Variants in SGCG observed in about 807,000 individuals in gnomAD.
The protein encoded by SGCG is gamma-sarcoglycan.
A neutral mutation model predicts 29.3 loss-of-function variants in SGCG; 26 were observed. That is an observed-to-expected ratio of 0.89 (90% CI 0.65 to 1.23). The LOEUF (loss-of-function observed/expected upper bound fraction) is 1.23, where lower values mean the gene tolerates loss of function less well. Ranked by LOEUF, SGCG falls within the 50% of genes most tolerant of loss-of-function variation. The probability of loss-of-function intolerance (pLI) is 0.00; values close to 1 mark genes in which losing one functional copy is unlikely to be tolerated. For missense variants in SGCG, 353 were observed against 356.0 expected, an observed-to-expected ratio of 0.99 and a Z score of 0.07; for synonymous variants, 145 against 129.7, an observed-to-expected ratio of 1.12 and a Z score of -0.80.
chr13:23,283,278 T>C, intron 5 of SGCG, among the ~76,000 whole-genome samples: 1 of 152,218 alleles, frequency 6.6e-6, no homozygotes, highest in East Asian at 1.9e-4. Flanking sequence ...CTCTAAGAAC[T>C]TGCTTTATGA....
the SGCG span, among the ~76,000 whole-genome samples, chr13:23,162,268 T>C: frequency 6.6e-6 from 1 of 152,200 alleles, no homozygotes; most frequent in African/African-American, 2.4e-5. Flanking sequence ...TTATGTTATC[T>C]TAGGAATGGT....
At chr13:23,315,225 G>A (rs1394326781) in intron 6 of SGCG, among the ~76,000 whole-genome samples, 1 of 152,182 alleles carries the variant, frequency 6.6e-6, no homozygotes, top group Admixed American at 6.5e-5. Flanking sequence ...GGTGGAAACT[G>A]GAAGTTTGAC....
intron 3 of SGCG, among the ~76,000 whole-genome samples, chr13:23,241,161 A>AAAAG (rs1353095319): frequency 6.7e-6 from 1 of 149,970 alleles, no homozygotes; most frequent in African/African-American, 2.4e-5. Flanking sequence ...AAAAAAAAAA[A>AAAAG]AAGAAGAAGA....
At chr13:23,280,849 T>C (rs1881280393) in intron 5 of SGCG, among the ~76,000 whole-genome samples, 1 of 152,204 alleles carries the variant, frequency 6.6e-6, no homozygotes, top group African/African-American at 2.4e-5. Flanking sequence ...GGGAAAATAG[T>C]CTAACAGCTT....
At chr13:23,283,099 T>C (rs1881367264) in intron 5 of SGCG, among the ~76,000 whole-genome samples, 1 of 152,212 alleles carries the variant, frequency 6.6e-6, no homozygotes, top group South Asian at 2.1e-4. Context: ...TTCTGTTGAC[T>C]TGGGGTGGAG....
intron 4 of SGCG, among the ~76,000 whole-genome samples, chr13:23,277,380 C>A (rs1881117957): frequency 6.7e-6 from 1 of 150,164 alleles, no homozygotes; most frequent in South Asian, 2.1e-4. Flanking sequence ...GGGAAAATAA[C>A]ATTACAAATA....
intron 4 of SGCG, among the ~76,000 whole-genome samples, chr13:23,255,795 C>A (rs1880153914): frequency 6.6e-6 from 1 of 152,160 alleles, no homozygotes. Context: ...AAAGACATAA[C>A]AGTTTGTAGA....
intron 5 of SGCG, among the ~76,000 whole-genome samples, chr13:23,294,989 TTTTCTGTAAATA>T (rs1440682239): frequency 6.6e-6 from 1 of 152,202 alleles, no homozygotes; most frequent in Admixed American, 6.5e-5. Context: ...AGCTTTTAAT[TTTTCTGTAAATA>T]TCCTGACTAC....
chr13:23,205,399 T>C (rs1877947247), intron 2 of SGCG, among the ~76,000 whole-genome samples: 1 of 152,186 alleles, frequency 6.6e-6, no homozygotes, highest in African/African-American at 2.4e-5. Flanking sequence ...CAGCCTGCTG[T>C]AGGACCGTCA....
rs71100167 is a variant in SGCG, at chr13:23,292,119, C to CTTTTTTTTTTTTTTTTTTTTT, written c.506-3288_506-3287insTTTTTTTTTTTTTTTTTTTTT. Among the ~76,000 whole-genome samples the CTTTTTTTTTTTTTTTTTTTTT allele has an allele frequency of 1.2e-4, 17 of 147,452 alleles. 2 individuals carry two copies. The highest frequency in any genetic ancestry group is 3.8e-4 in the African/African-American group (15 of 39,098). On this transcript the variant is annotated intron_variant, in intron 5 of 7. Transcript: ENST00000218867. ...TCAAAACAATACATAACATTTCTTTCTTTTTTTTGAGATAGAGTCTTACTT... is the reference window on the plus strand; with the variant it reads ...TCAAAACAATACATAACATTTCTTTCTTTTTTTTTTTTTTTTTTTTTTTTTTTTTGAGATAGAGTCTTACTT...
intron 1 of SGCG, among the ~76,000 whole-genome samples, chr13:23,193,885 G>A (rs998053233): frequency 2.6e-5 from 4 of 152,070 alleles, no homozygotes; most frequent in Non-Finnish European, 5.9e-5. Context: ...ACCATTTAGA[G>A]GCCAGAGAAA....
At chr13:23,204,667 CT>C (rs1313681127) in intron 2 of SGCG, among the ~76,000 whole-genome samples, 4 of 146,836 alleles carry the variant, frequency 2.7e-5, no homozygotes, top group Admixed American at 1.4e-4. Flanking sequence ...TCATTCCCTT[CT>C]TTCCCTTCTT....
rs1248274585 is a variant in SGCG at position 23,304,027 on chromosome 13, T to A, written c.578+8540T>A. On this transcript the variant is annotated intron_variant, in intron 6 of 7. Coordinates refer to ENST00000218867, the MANE Select transcript of SGCG (RefSeq NM_000231.3). ...GAGTGAGGTGGAGCAACTTTTCATA[T>A]GTTTAAAGGCCATTTTTGTATTCCT... Among the ~76,000 whole-genome samples, 3 of 152,244 alleles carry A rather than the reference T, an allele frequency of 2.0e-5. No homozygotes were observed. The East Asian group carries it at 5.8e-4, about 29-fold the overall frequency.
In SGCG at chr13:23,196,121, G is replaced by GT. The variant is rs375582042; in HGVS notation, c.1-7569dup. ...CTAGAATTTCCCTAGGTTGTTATAT[G>GT]TTTTTCAAACATATTTCACATACCC... On this transcript the variant is annotated intron_variant, in intron 1 of 7. Transcript: ENST00000218867. Among the ~76,000 whole-genome samples the GT allele has an allele frequency of 4.3e-3, 654 of 151,952 alleles. 9 individuals carry two copies. Among genetic ancestry groups the GT allele is most frequent in the African/African-American group, 0.014 (578 of 41,450 alleles).
intron 6 of SGCG, among the ~76,000 whole-genome samples, chr13:23,313,166 CTTCT>C (rs961042801): frequency 3.1e-5 from 3 of 95,712 alleles, no homozygotes; most frequent in South Asian, 4.2e-4. Flanking sequence ...TTTTCTTCTT[CTTCT>C]TTTTTTTTTT....
chr13:23,305,106 A>C (rs569058535), intron 6 of SGCG, among the ~76,000 whole-genome samples: 4 of 152,308 alleles, frequency 2.6e-5, no homozygotes, highest in African/African-American at 7.2e-5. Context: ...GACTTCCAGA[A>C]AACTTATTTT....
At position 23,294,648 on chromosome 13, in the gene SGCG, T is replaced by C. The variant is rs139047184; in HGVS notation, c.506-767T>C. Reference sequence around the variant, plus strand: ...ACTTTCTATCACATATTGTTATTTATGTATGAAAACCCCTATAGCATATAG... The same window carrying C: ...ACTTTCTATCACATATTGTTATTTACGTATGAAAACCCCTATAGCATATAG... On this transcript the variant is annotated intron_variant, in intron 5 of 7. Coordinates refer to ENST00000218867, the MANE Select transcript of SGCG (RefSeq NM_000231.3). 5.2e-3 allele frequency among the ~76,000 whole-genome samples: 787 copies of C among 152,362 alleles called. 2 individuals are homozygous for C. The highest frequency in any genetic ancestry group is 0.014 in the Middle Eastern group (4 of 294).
At chr13:23,316,941 T>C (rs1282599512) in intron 6 of SGCG, among the ~76,000 whole-genome samples, 1 of 152,090 alleles carries the variant, frequency 6.6e-6, no homozygotes, top group Non-Finnish European at 1.5e-5. Context: ...GCGCGGTGGC[T>C]CATGCCTGTA....
In SGCG at chr13:23,304,977, G is replaced by A. The variant is rs147525233; in HGVS notation, c.578+9490G>A. Among the ~76,000 whole-genome samples the A allele has an allele frequency of 8.4e-3, 846 of 100,568 alleles. 8 individuals are homozygous for A. Among genetic ancestry groups the A allele is most frequent in the African/African-American group, 0.029 (803 of 27,724 alleles). The allele number at this position is 100,568 out of a possible 152,430, so 66.0% of individuals were successfully genotyped here. On this transcript the variant is annotated intron_variant, in intron 6 of 7. Transcript: ENST00000218867. Reference sequence around the variant, plus strand: ...TGCACGTGCTCACAGGCTTGCACGTGCTCACAGGCGTGCACGTGCTCACAC... The same window carrying A: ...TGCACGTGCTCACAGGCTTGCACGTACTCACAGGCGTGCACGTGCTCACAC...
Sources: allele counts gnomAD v4.1 joint callset (sites outside exome capture counted in the v4.1 genomes callset), GRCh38; gene constraint gnomAD v4.1.1; transcripts MANE v1.5; gene names NCBI Gene and HGNC (gene_info 2026-07-23, HGNC 2026-07-21).